Variants in FLNB observed in about 807,000 individuals in gnomAD.
FLNB encodes filamin B.
In FLNB, 111 loss-of-function variants were observed where a neutral mutation model predicts 250.6. The observed-to-expected ratio is 0.44, with a 90% confidence interval of 0.38 to 0.52. The LOEUF (loss-of-function observed/expected upper bound fraction) is 0.52, where lower values mean the gene tolerates loss of function less well. Among genes scored for constraint, FLNB ranks in the 20% least tolerant of loss-of-function variants. The pLI, the probability that FLNB is intolerant of heterozygous loss-of-function variation, is 0.00. For missense variants in FLNB, 2,869 were observed against 3,447.8 expected (o/e 0.83, Z 4.20); for synonymous variants, 1,302 against 1,372.1 (o/e 0.95, Z 1.13).
rs544409149 is a variant in FLNB, at chr3:58,085,431, A to G, written c.787+3655A>G. Among the ~76,000 whole-genome samples the G allele has an allele frequency of 3.9e-4, 60 of 152,380 alleles. 1 individual carries two copies. In the Middle Eastern group the frequency reaches 0.01, roughly 26 times the overall value. On this transcript the variant is annotated intron_variant, in intron 4 of 45. Coordinates refer to ENST00000295956, the MANE Select transcript of FLNB (RefSeq NM_001457.4). ...TGCTTCATTTCTGCCACCTGAGCCC[A>G]GGAAGAGAGACCGTTTCATCTTCTA...
Position 58,156,037 on chromosome 3 carries a change from T to A in FLNB, c.6850T>A (p.Ser2284Thr). ...CTACCTGGTGCCGGTCATCGCACCC[T>A]CCGACGACGCCCGCCGCCTCACTGT... The part of the protein sequence containing the change: ...SPYLVPVIAP[S>T]DDARRLTVMS... Residue 2284 changes from serine to threonine, a missense_variant, in exon 41 of 46, where the codon TCC becomes ACC. Coordinates refer to ENST00000295956, the MANE Select transcript of FLNB (RefSeq NM_001457.4). 1 of 1,614,060 alleles carries A rather than the reference T, an allele frequency of 6.2e-7. No homozygotes were observed. The highest frequency in any genetic ancestry group is 8.5e-7 in the Non-Finnish European group (1 of 1,179,970).
At chr3:58,036,860 C>T (rs1286879153) in intron 1 of FLNB, among the ~76,000 whole-genome samples, 1 of 152,072 alleles carries the variant, frequency 6.6e-6, no homozygotes, top group African/African-American at 2.4e-5. Flanking sequence ...AAGATGGAGT[C>T]GGTTAGGTCT....
chr3:58,132,728 T>C, intron 25 of FLNB, 80 bp from the exon 26 acceptor site: 5 of 1,573,384 alleles, frequency 3.2e-6, no homozygotes, highest in East Asian at 4.5e-5. Context: ...GGGATGGATG[T>C]GGTCCTATTT....
intron 22 of FLNB, among the ~76,000 whole-genome samples, chr3:58,124,735 C>T (rs1379993852): frequency 6.6e-6 from 1 of 152,144 alleles, no homozygotes; most frequent in Non-Finnish European, 1.5e-5. Context: ...CTCACCTCAG[C>T]AAGTTATGGG....
chr3:58,024,701 C>CTTTTTTTT lies in FLNB; in HGVS notation c.292+15865_292+15872dup, dbSNP rs1174805764. Among the ~76,000 whole-genome samples the CTTTTTTTT allele has an allele frequency of 9.8e-4, 82 of 83,744 alleles. 6 individuals are homozygous for CTTTTTTTT. The highest frequency in any genetic ancestry group is 2.9e-3 in the African/African-American group (64 of 22,442). 54.9% of individuals were successfully genotyped at this position (83,744 alleles called of 152,430 possible). A position where few individuals can be genotyped will look rare whatever the true frequency, so the allele number is the denominator to read the frequency against. ...ATTTCTGGTCTTCTGGCCAAGCCTC[C>CTTTTTTTT]TTTTTTTTTTTTTTTTTTTTTTTTT... On this transcript the variant is annotated intron_variant, in intron 1 of 45. Coordinates refer to ENST00000295956, the MANE Select transcript of FLNB (RefSeq NM_001457.4).
chr3:58,169,499 G>A lies in FLNB; in HGVS notation c.7418-91G>A. Reference sequence around the variant, plus strand: ...GTTGGGGTGCGCGGGCTCTCCTGGGGTTACTGTGTAGGGTACTCGCCTGTC... The same window carrying A: ...GTTGGGGTGCGCGGGCTCTCCTGGGATTACTGTGTAGGGTACTCGCCTGTC... On this transcript the variant is annotated intron_variant, in intron 44 of 45. Coordinates refer to ENST00000295956, the MANE Select transcript of FLNB (RefSeq NM_001457.4). This position sits in a 1 kb window ranked among gnomAD's most constrained non-coding sequence, Gnocchi z 4.8. 9.7e-7 allele frequency: 1 copy of A among 1,026,790 alleles called. No individual in the cohort carries two copies. Among genetic ancestry groups the A allele is most frequent in the Non-Finnish European group, 1.5e-6 (1 of 645,938 alleles). The allele number at this position is 1,026,790 out of a possible 1,614,324, so 63.6% of individuals were successfully genotyped here. A position where few individuals can be genotyped will look rare whatever the true frequency, so the allele number is the denominator to read the frequency against.
chr3:58,108,638 GT>G, intron 13 of FLNB, 67 bp downstream of exon 13: 1 of 950,646 alleles, frequency 1.1e-6, no homozygotes, highest in Non-Finnish European at 1.7e-6. Context: ...GTAATGGCAA[GT>G]TGCTGAGTCC....
In FLNB at chr3:58,078,752, A is replaced by C. The variant is rs181769752; in HGVS notation, c.577A>C (p.Lys193Gln). ...CPDWESWDPQ[K>Q]PVDNAREAMQ... ...AGACTGGGAATCCTGGGACCCGCAG[A>C]AGCCTGTGGATAATGCACGAGAAGC... Residue 193 changes from lysine (K) to glutamine (Q), a missense_variant, in exon 3 of 46, where the codon AAG becomes CAG. Coordinates refer to ENST00000295956, the MANE Select transcript of FLNB (RefSeq NM_001457.4). 21 of 1,613,988 alleles carry C rather than the reference A, an allele frequency of 1.3e-5. No individual in the cohort carries two copies. In the African/African-American group the frequency reaches 1.3e-4, roughly 10 times the overall value.
chr3:58,050,454 G>A (rs749967584), intron 1 of FLNB, among the ~76,000 whole-genome samples: 10 of 152,158 alleles, frequency 6.6e-5, no homozygotes, highest in Non-Finnish European at 1.0e-4. Flanking sequence ...GAAGTCTCCC[G>A]TAAAATGTTC....
At chr3:58,045,657 CT>C (rs138483248) in intron 1 of FLNB, among the ~76,000 whole-genome samples, 4,893 of 152,144 alleles carry the variant, frequency 0.032, 250 homozygotes, top group African/African-American at 0.11. Flanking sequence ...TTATGATTCT[CT>C]TAAGCTCACG....
At chr3:58,033,342 G>C (rs839236) in intron 1 of FLNB, among the ~76,000 whole-genome samples, 19,438 of 151,128 alleles carry the variant, frequency 0.13, 2,426 homozygotes, top group East Asian at 0.49. Context: ...GTCATTATCA[G>C]TCAGTTTTCA....
At chr3:58,037,928 T>TA (rs145165501) in intron 1 of FLNB, among the ~76,000 whole-genome samples, 3,970 of 152,282 alleles carry the variant, frequency 0.026, 155 homozygotes, top group African/African-American at 0.09. Flanking sequence ...AAGAAAAAAT[T>TA]AAAAAATAAA....
chr3:58,009,329 G>A (rs2097094953), intron 1 of FLNB, among the ~76,000 whole-genome samples: 1 of 152,142 alleles, frequency 6.6e-6, no homozygotes, highest in Non-Finnish European at 1.5e-5. Flanking sequence ...ACCTGAGGAG[G>A]AACCGTTCTC....
At chr3:58,128,370 C>T (rs1182186785) in intron 24 of FLNB, among the ~76,000 whole-genome samples, 1 of 152,198 alleles carries the variant, frequency 6.6e-6, no homozygotes, top group Admixed American at 6.6e-5. Context: ...TGTTTCTCCT[C>T]AAACTTGTGC....
intron 1 of FLNB, among the ~76,000 whole-genome samples, chr3:58,070,627 T>G (rs368143260): frequency 1.3e-5 from 2 of 151,144 alleles, no homozygotes; most frequent in African/African-American, 4.9e-5. Flanking sequence ...TGGTAACTTG[T>G]GTCAAGCACA....
At position 58,109,576 on chromosome 3, in the gene FLNB, G is replaced by A; in HGVS notation, c.2200G>A (p.Val734Ile). 1.2e-6 allele frequency: 2 copies of A among 1,614,192 alleles called. No individual in the cohort carries two copies. Among genetic ancestry groups the A allele is most frequent in the South Asian group, 2.2e-5 (2 of 91,072 alleles). Reference sequence around the variant, plus strand: ...ATGACCTTCTCCATGTCTTCTCTAGGTCAACATCGGGCAAGGTAGCCATCC... The same window carrying A: ...ATGACCTTCTCCATGTCTTCTCTAGATCAACATCGGGCAAGGTAGCCATCC... Reference protein sequence around the residue: ...GVNIPHSPYRVNIGQGSHPQK... With the variant: ...GVNIPHSPYRINIGQGSHPQK... Residue 734 changes from valine (V) to isoleucine (I), a missense_variant and splice_region_variant, in exon 15 of 46, where the codon GTC becomes ATC. Physicochemically the swap from Val to Ile is conservative, Grantham distance 29. This residue lies in a region of FLNB where 1,348 missense variants were observed against 1,466.7 expected (regional missense o/e 0.92). Coordinates refer to ENST00000295956, the MANE Select transcript of FLNB (RefSeq NM_001457.4).
intron 5 of FLNB, 125 bp from the exon 6 acceptor site, chr3:58,096,016 G>T: frequency 1.3e-6 from 1 of 741,704 alleles, no homozygotes; most frequent in Non-Finnish European, 2.4e-6. Context: ...GTGCAAGAGG[G>T]ACAGGAGCTC....
chr3:58,170,676 G>A lies in FLNB; in HGVS notation c.7723G>A (p.Val2575Ile), dbSNP rs369949841. 3.3e-5 allele frequency: 53 copies of A among 1,614,040 alleles called. No homozygotes were observed. The highest frequency in any genetic ancestry group is 8.8e-5 in the South Asian group (8 of 91,078). ...CCAGCAATACAACGTCACATACGTC[G>A]TCAAGGAGAGGGGCGATTATGTGCT... ...GNQQYNVTYV[V>I]KERGDYVLAV... The change falls in exon 46 of 46, where the codon GTC (valine) becomes ATC (isoleucine). Residue 2575 changes from valine (V) to isoleucine (I), a missense_variant. Val to Ile is a conservative substitution (Grantham distance 29). Transcript: ENST00000295956.
chr3:58,134,517 C>A, intron 26 of FLNB, 99 bp from the exon 27 acceptor site: 1 of 1,391,298 alleles, frequency 7.2e-7, no homozygotes, highest in Admixed American at 1.7e-5. Context: ...CTGTAGAAAT[C>A]CCCTTTTCCA....
Sources: allele counts gnomAD v4.1 joint callset (sites outside exome capture counted in the v4.1 genomes callset), GRCh38; gene constraint gnomAD v4.1.1; regional missense constraint gnomAD v4.1.1; non-coding constraint Gnocchi (gnomAD v3.1); transcripts MANE v1.5; gene names NCBI Gene and HGNC (gene_info 2026-07-23, HGNC 2026-07-21).